The following PTPRD variants were observed in gnomAD, a reference collection of about 807,000 sequenced individuals.
PTPRD encodes the protein receptor-type tyrosine-protein phosphatase delta.
A neutral mutation model predicts 214.5 loss-of-function variants in PTPRD; 34 were observed. That is an observed-to-expected ratio of 0.16 (90% CI 0.12 to 0.21). The LOEUF (loss-of-function observed/expected upper bound fraction) is 0.21, where lower values mean the gene tolerates loss of function less well. Among genes scored for constraint, PTPRD ranks in the 10% least tolerant of loss-of-function variants. The probability of loss-of-function intolerance (pLI) is 1.00; values close to 1 mark genes in which losing one functional copy is unlikely to be tolerated. For missense variants in PTPRD, 2,545 were observed against 2,398.7 expected (o/e 1.06, Z -1.27); for synonymous variants, 1,128 against 845.7 (o/e 1.33, Z -5.79).
rs531379427 is a variant in PTPRD at position 9,580,287 on chromosome 9, C to T, written c.-286-5506G>A. 3.4e-4 allele frequency among the ~76,000 whole-genome samples: 51 copies of T among 152,196 alleles called. 1 individual carries two copies. Among genetic ancestry groups the T allele is most frequent in the Middle Eastern group, 3.4e-3 (1 of 294 alleles). On this transcript the variant is annotated intron_variant, in intron 7 of 45. Coordinates refer to ENST00000381196, the MANE Select transcript of PTPRD (RefSeq NM_002839.4). The stretch of plus-strand genomic sequence containing the variant: ...CTTAGTTCTTTGAGAAATCTCCATA[C>T]TGTTTTCCATAGAGGTTGTACTAAT...
intron 3 of PTPRD, among the ~76,000 whole-genome samples, chr9:10,239,533 G>T (rs1043105425): frequency 1.2e-4 from 18 of 151,600 alleles, no homozygotes; most frequent in African/African-American, 4.4e-4. Context: ...TTCATTTCCA[G>T]GTAGTGAAAG....
intron 11 of PTPRD, among the ~76,000 whole-genome samples, chr9:8,939,254 A>G (rs188566552): frequency 6.6e-6 from 1 of 152,254 alleles, no homozygotes; most frequent in Non-Finnish European, 1.5e-5. Flanking sequence ...TGTTTATTTG[A>G]ACAGCTCATT....
At chr9:10,177,970 G>T (rs1408612565) in intron 3 of PTPRD, among the ~76,000 whole-genome samples, 1 of 151,926 alleles carries the variant, frequency 6.6e-6, no homozygotes, top group Non-Finnish European at 1.5e-5. Flanking sequence ...GAGATAGGTG[G>T]CTAGTAAGAG....
intron 12 of PTPRD, among the ~76,000 whole-genome samples, chr9:8,707,519 A>C (rs1335640301): frequency 1.3e-5 from 2 of 152,234 alleles, no homozygotes; most frequent in Non-Finnish European, 2.9e-5. Flanking sequence ...AGTGTTCCTT[A>C]AATTACTTAG....
At chr9:9,328,583 CT>C (rs1050841993) in intron 9 of PTPRD, among the ~76,000 whole-genome samples, 12 of 79,456 alleles carry the variant, frequency 1.5e-4, no homozygotes, top group Admixed American at 1.2e-4. Context: ...GTCAAATTTT[CT>C]TTTTGATCAC....
intron 8 of PTPRD, among the ~76,000 whole-genome samples, chr9:9,499,758 C>T (rs1191283023): frequency 6.6e-6 from 1 of 151,992 alleles, no homozygotes; most frequent in African/African-American, 2.4e-5. Flanking sequence ...AGTGTTAATG[C>T]CCTCTAGTGT....
rs1257053724 is a variant in PTPRD at position 8,316,414 on chromosome 9, A to C, written c.*1460T>G. On this transcript the variant is annotated 3_prime_UTR_variant, in exon 46 of 46. Coordinates refer to ENST00000381196, the MANE Select transcript of PTPRD (RefSeq NM_002839.4). ...CTTCCCAGGAATGCTGTATGCCACA[A>C]AATGTTTCTGACTGAACAGAGTAAC... is the stretch of plus-strand genomic sequence containing the variant. 4.3e-6 allele frequency: 1 copy of C among 231,178 alleles called. No individual in the cohort carries two copies. The highest frequency in any genetic ancestry group is 8.6e-6 in the Non-Finnish European group (1 of 116,614). 14.3% of individuals were successfully genotyped at this position (231,178 alleles called of 1,614,324 possible). A position where few individuals can be genotyped will look rare whatever the true frequency, so the allele number is the denominator to read the frequency against.
At chr9:8,772,088 T>A (rs2095251443) in intron 11 of PTPRD, among the ~76,000 whole-genome samples, 1 of 152,032 alleles carries the variant, frequency 6.6e-6, no homozygotes, top group Non-Finnish European at 1.5e-5. Context: ...ACACCTACTA[T>A]GTGCCCACAA....
intron 6 of PTPRD, among the ~76,000 whole-genome samples, chr9:9,740,135 C>T (rs2098377633): frequency 2.0e-5 from 3 of 152,076 alleles, no homozygotes; most frequent in African/African-American, 4.8e-5. Context: ...AAATTATATA[C>T]ATAAATTACC....
intron 21 of PTPRD, among the ~76,000 whole-genome samples, chr9:8,512,176 A>C (rs2097696196): frequency 6.6e-6 from 1 of 152,068 alleles, no homozygotes; most frequent in African/African-American, 2.4e-5. Flanking sequence ...CATATTGATA[A>C]ATGATAATGA....
At position 8,615,292 on chromosome 9, in the gene PTPRD, G is replaced by A. The variant is rs188018423; in HGVS notation, c.352+18025C>T. Among the ~76,000 whole-genome samples, 36 of 152,222 alleles carry A rather than the reference G, an allele frequency of 2.4e-4. No individual in the cohort carries two copies. In the East Asian group the frequency reaches 6.6e-3, roughly 28 times the overall value. On this transcript the variant is annotated intron_variant, in intron 14 of 45. Coordinates refer to ENST00000381196, the MANE Select transcript of PTPRD (RefSeq NM_002839.4). ...ATACCTCCAAGTCTGTTTGCTTGAT[G>A]AGCATGCAATTAAACCTTATGGCCC...
chr9:10,023,865 C>T (rs928779968), intron 4 of PTPRD, among the ~76,000 whole-genome samples: 1 of 152,028 alleles, frequency 6.6e-6, no homozygotes, highest in Non-Finnish European at 1.5e-5. Flanking sequence ...CTCAAAAATG[C>T]TTCTTTGTTC....
chr9:8,326,812 C>G (rs1294772962), intron 44 of PTPRD, among the ~76,000 whole-genome samples: 3 of 149,626 alleles, frequency 2.0e-5, no homozygotes, highest in African/African-American at 7.3e-5. Flanking sequence ...AGGAATTTAT[C>G]CATTTCTTCT....
intron 6 of PTPRD, among the ~76,000 whole-genome samples, chr9:9,749,486 G>A (rs890498962): frequency 6.6e-6 from 1 of 152,050 alleles, no homozygotes; most frequent in Non-Finnish European, 1.5e-5. Context: ...AACCCTAAGA[G>A]CAGTGATTAT....
intron 14 of PTPRD, among the ~76,000 whole-genome samples, chr9:8,606,407 G>C (rs191584749): frequency 6.0e-4 from 92 of 152,168 alleles, no homozygotes; most frequent in Admixed American, 1.9e-3. Context: ...CATCTTACAG[G>C]GGCCTCTCAA....
chr9:9,413,854 G>A (rs1035600196), intron 8 of PTPRD, among the ~76,000 whole-genome samples: 2 of 152,132 alleles, frequency 1.3e-5, no homozygotes, highest in East Asian at 1.9e-4. Flanking sequence ...ATAAATGACA[G>A]GTGGTATTAT....
chr9:8,381,963 T>G (rs987204284), intron 37 of PTPRD, among the ~76,000 whole-genome samples: 1 of 152,160 alleles, frequency 6.6e-6, no homozygotes, highest in South Asian at 2.1e-4. Context: ...TCTTCCCACA[T>G]GAGGTGGGTC....
chr9:9,578,166 G>C (rs1288664836), intron 7 of PTPRD, among the ~76,000 whole-genome samples: 1 of 149,496 alleles, frequency 6.7e-6, no homozygotes, highest in African/African-American at 2.5e-5. Flanking sequence ...AACCACAAAA[G>C]AAATTATTGA....
At chr9:8,436,339 A>G (rs2095347414) in intron 35 of PTPRD, among the ~76,000 whole-genome samples, 2 of 118,876 alleles carry the variant, frequency 1.7e-5, no homozygotes, top group East Asian at 2.0e-4. Context: ...AAAATAAAAT[A>G]AAAATAAAAA....
Sources: gnomAD v4.1 joint callset for allele counts (sites outside exome capture counted in the v4.1 genomes callset) on GRCh38, gnomAD v4.1.1 for gene constraint, MANE v1.5 for transcripts, NCBI Gene and HGNC (gene_info 2026-07-23, HGNC 2026-07-21) for gene names.